Variants in CRADD observed in about 807,000 individuals in gnomAD.
The protein encoded by CRADD is CARD and death domain containing adaptor protein.
In CRADD, 9 loss-of-function variants were observed where a neutral mutation model predicts 15.5. That is an observed-to-expected ratio of 0.58 (90% CI 0.35 to 1.01). CRADD has a LOEUF of 1.01. Among genes scored for constraint, CRADD ranks in the 50% least tolerant of loss-of-function variants. The pLI is 0.02. For missense variants in CRADD, 227 were observed against 250.3 expected (o/e 0.91, Z 0.63); for synonymous variants, 118 against 107.6 (o/e 1.10, Z -0.60).
At chr12:93,816,368 C>CA (rs1957697124) in intron 2 of CRADD, among the ~76,000 whole-genome samples, 4 of 149,118 alleles carry the variant, frequency 2.7e-5, no homozygotes, top group African/African-American at 1.0e-4. Context: ...AGGCGTGTGC[C>CA]GTGATGCCTG....
chr12:93,781,745 A>G (rs995373483), intron 2 of CRADD, among the ~76,000 whole-genome samples: 6 of 152,256 alleles, frequency 3.9e-5, no homozygotes, highest in African/African-American at 1.4e-4. Flanking sequence ...GTTATAGGAA[A>G]TACGGGAGAC....
At chr12:93,710,903 T>A (rs2136861778) in intron 2 of CRADD, among the ~76,000 whole-genome samples, 1 of 152,180 alleles carries the variant, frequency 6.6e-6, no homozygotes, top group East Asian at 1.9e-4. Flanking sequence ...ATTAGTGAAG[T>A]CCAAGGCCTT....
At chr12:93,750,476 T>G (rs1307966213) in intron 2 of CRADD, among the ~76,000 whole-genome samples, 1 of 152,188 alleles carries the variant, frequency 6.6e-6, no homozygotes, top group Non-Finnish European at 1.5e-5. Context: ...TCTAAAGGTT[T>G]TGTTTTATTG....
intron 2 of CRADD, among the ~76,000 whole-genome samples, chr12:93,701,141 C>T (rs1457003689): frequency 6.6e-6 from 1 of 152,068 alleles, no homozygotes; most frequent in African/African-American, 2.4e-5. Context: ...TGTAATATGG[C>T]CCGACCTTAT....
intron 2 of CRADD, among the ~76,000 whole-genome samples, chr12:93,809,315 T>C (rs1304100386): frequency 2.0e-5 from 3 of 152,242 alleles, no homozygotes; most frequent in Non-Finnish European, 4.4e-5. Context: ...TTTATTCTTT[T>C]GCTGTGCATA....
intron 2 of CRADD, among the ~76,000 whole-genome samples, chr12:93,876,653 A>G (rs908132246): frequency 1.3e-5 from 2 of 152,022 alleles, no homozygotes; most frequent in African/African-American, 4.8e-5. Context: ...CAGCTTCAGA[A>G]TTTTTGCTTG....
At chr12:93,688,342 A>C (rs1306529765) in intron 2 of CRADD, among the ~76,000 whole-genome samples, 1 of 152,156 alleles carries the variant, frequency 6.6e-6, no homozygotes, top group African/African-American at 2.4e-5. Flanking sequence ...GTTTCTACTA[A>C]AAATACAAAA....
chr12:93,807,852 G>T (rs539397207), intron 2 of CRADD, among the ~76,000 whole-genome samples: 1 of 151,952 alleles, frequency 6.6e-6, no homozygotes, highest in Non-Finnish European at 1.5e-5. Context: ...CACTGTTTAG[G>T]TACTTGGTTT....
chr12:93,717,391 A>G (rs1956180804), intron 2 of CRADD, among the ~76,000 whole-genome samples: 1 of 152,138 alleles, frequency 6.6e-6, no homozygotes, highest in Non-Finnish European at 1.5e-5. Context: ...TAGCTTATCA[A>G]TTATTTCTTT....
At chr12:93,870,468 G>A (rs943469502) in intron 2 of CRADD, among the ~76,000 whole-genome samples, 3 of 152,128 alleles carry the variant, frequency 2.0e-5, no homozygotes, top group Admixed American at 6.5e-5. Flanking sequence ...CAGAAGGGCA[G>A]GCTACTGACA....
At chr12:93,865,376 A>G (rs761765821) in intron 2 of CRADD, among the ~76,000 whole-genome samples, 3 of 152,150 alleles carry the variant, frequency 2.0e-5, no homozygotes, top group Non-Finnish European at 2.9e-5. Flanking sequence ...CTGGTATAAA[A>G]TGATGTAGTA....
At chr12:93,733,919 A>G (rs894370901) in intron 2 of CRADD, among the ~76,000 whole-genome samples, 2 of 151,896 alleles carry the variant, frequency 1.3e-5, no homozygotes, top group African/African-American at 4.8e-5. Context: ...ATATTTTTTG[A>G]GGAGACAGGG....
intron 2 of CRADD, among the ~76,000 whole-genome samples, chr12:93,765,312 A>G (rs996509262): frequency 1.3e-5 from 2 of 152,192 alleles, no homozygotes; most frequent in African/African-American, 4.8e-5. Flanking sequence ...TTAGTAAATC[A>G]TATTAATAGT....
intron 2 of CRADD, among the ~76,000 whole-genome samples, chr12:93,887,336 A>G (rs1958544586): frequency 6.6e-6 from 1 of 152,228 alleles, no homozygotes; most frequent in African/African-American, 2.4e-5. Flanking sequence ...GGCTTTTATC[A>G]GATATTGCCG....
intron 1 of CRADD, among the ~76,000 whole-genome samples, chr12:93,678,474 C>T (rs1412377586): frequency 1.3e-5 from 2 of 152,184 alleles, no homozygotes; most frequent in South Asian, 2.1e-4. Flanking sequence ...GTCTCTGACC[C>T]ACTTTTTTTT....
rs926270383 is a variant in CRADD, at chr12:93,890,622, G to A, written c.299-3428G>A. ...GGGTTTCAGTCATGGGTGGAGACTG[G>A]CCCTGCCATCCTGCTGTAAATGCAA... On this transcript the variant is annotated intron_variant, in intron 2 of 2. Transcript: ENST00000548483. Among the ~76,000 whole-genome samples, 9 of 152,130 alleles carry A rather than the reference G, an allele frequency of 5.9e-5. 2 individuals are homozygous for A. The highest frequency in any genetic ancestry group is 5.9e-4 in the Admixed American group (9 of 15,268).
At chr12:93,830,570 A>G (rs947395967) in intron 2 of CRADD, among the ~76,000 whole-genome samples, 2 of 152,236 alleles carry the variant, frequency 1.3e-5, no homozygotes, top group Non-Finnish European at 2.9e-5. Context: ...CAAGGAGATT[A>G]AAAGAATATT....
chr12:93,783,839 G>A (rs1040079949), intron 2 of CRADD, among the ~76,000 whole-genome samples: 7 of 152,134 alleles, frequency 4.6e-5, no homozygotes, highest in African/African-American at 1.7e-4. Flanking sequence ...CACATCCCTT[G>A]TGCCACTATT....
At chr12:93,823,811 G>A (rs1957794840) in intron 2 of CRADD, among the ~76,000 whole-genome samples, 1 of 152,308 alleles carries the variant, frequency 6.6e-6, no homozygotes. Flanking sequence ...AGTCAGAAGA[G>A]AAAGAAGCAA....
Sources: allele counts gnomAD v4.1 joint callset (sites outside exome capture counted in the v4.1 genomes callset), GRCh38; gene constraint gnomAD v4.1.1; transcripts MANE v1.5; gene names NCBI Gene and HGNC (gene_info 2026-07-23, HGNC 2026-07-21).